Variants in RTN3 observed in about 807,000 individuals in gnomAD.
The protein encoded by RTN3 is reticulon-3.
A neutral mutation model predicts 77.8 loss-of-function variants in RTN3; 49 were observed. That is an observed-to-expected ratio of 0.63 (90% CI 0.50 to 0.80). The LOEUF (loss-of-function observed/expected upper bound fraction) is 0.80, where lower values mean the gene tolerates loss of function less well. Among genes scored for constraint, RTN3 ranks in the 30% least tolerant of loss-of-function variants. The pLI is 0.00. For missense variants in RTN3, 1,236 were observed against 1,211.9 expected, an observed-to-expected ratio of 1.02 and a Z score of -0.29; for synonymous variants, 464 against 446.9, an observed-to-expected ratio of 1.04 and a Z score of -0.48.
intron 2 of RTN3, among the ~76,000 whole-genome samples, chr11:63,711,595 G>A (rs559477584): frequency 1.9e-4 from 29 of 151,540 alleles, no homozygotes; most frequent in Non-Finnish European, 2.9e-4. Context: ...CGGAGTTTTC[G>A]TTCTTGTTGC....
Position 63,719,544 on chromosome 11 carries a change from G to A in RTN3, c.1042G>A (p.Val348Met), listed in dbSNP as rs2011605216. Residue 348 changes from valine to methionine, a missense_variant, in exon 3 of 9, where the codon GTG becomes ATG. This residue lies in a region of RTN3 where 1,056 missense variants were observed against 990.4 expected (regional missense o/e 1.07). Transcript: ENST00000377819. ...ACTGACTTGGGATCTGGTTCCCCAAGTGAAACAACAGACCGATAAATCTTC... is the reference window on the plus strand; with the variant it reads ...ACTGACTTGGGATCTGGTTCCCCAAATGAAACAACAGACCGATAAATCTTC... ...EILTWDLVPQ[V>M]KQQTDKSSDC... The A allele has an allele frequency of 4.3e-6, 7 of 1,614,172 alleles. No individual in the cohort carries two copies. Among genetic ancestry groups the A allele is most frequent in the Non-Finnish European group, 5.9e-6 (7 of 1,180,030 alleles).
chr11:63,734,044 C>G (rs534747912), intron 3 of RTN3, among the ~76,000 whole-genome samples: 5 of 152,190 alleles, frequency 3.3e-5, no homozygotes, highest in Admixed American at 3.3e-4. Context: ...GAATTTTCTA[C>G]AAACAAGGAA....
chr11:63,710,351 G>GA (rs1565313769), intron 2 of RTN3, among the ~76,000 whole-genome samples: 1 of 143,352 alleles, frequency 7.0e-6, no homozygotes, highest in Non-Finnish European at 1.5e-5. Context: ...TAGTTTTTTT[G>GA]TTTTTTTTTT....
At chr11:63,749,676 GAAC>G (rs1300468225) in intron 3 of RTN3, among the ~76,000 whole-genome samples, 3 of 152,134 alleles carry the variant, frequency 2.0e-5, no homozygotes, top group Non-Finnish European at 4.4e-5. Context: ...TGTAGCAGAA[GAAC>G]GTTTTGCCTC....
At chr11:63,745,853 C>T (rs1254157291) in intron 3 of RTN3, among the ~76,000 whole-genome samples, 1 of 152,238 alleles carries the variant, frequency 6.6e-6, no homozygotes, top group Non-Finnish European at 1.5e-5. Flanking sequence ...CTCTTTCACC[C>T]AGGCTGGAAT....
rs186304946 is a variant in RTN3 at position 63,692,961 on chromosome 11, G to A, written c.142+11183G>A. Among the ~76,000 whole-genome samples, 240 of 152,242 alleles carry A rather than the reference G, an allele frequency of 1.6e-3. 2 individuals are homozygous for A. The South Asian group carries it at 0.016, about 10-fold the overall frequency. Reference sequence around the variant, plus strand: ...AATGAGAAAGAAAAAAAGAGAGATGGGGTCTCACCATATTGCCCATGCTGG... The same window carrying A: ...AATGAGAAAGAAAAAAAGAGAGATGAGGTCTCACCATATTGCCCATGCTGG... On this transcript the variant is annotated intron_variant, in intron 1 of 8. Coordinates refer to ENST00000377819, the MANE Select transcript of RTN3 (RefSeq NM_001265589.2).
intron 1 of RTN3, among the ~76,000 whole-genome samples, chr11:63,696,402 G>GA (rs993316464): frequency 1.4e-4 from 21 of 145,970 alleles, no homozygotes; most frequent in South Asian, 4.4e-4. Flanking sequence ...GTCTCAAAAG[G>GA]AAAAAAAAAG....
intron 2 of RTN3, chr11:63,713,870 TA>T: frequency 5.9e-6 from 2 of 340,290 alleles, no homozygotes; most frequent in Non-Finnish European, 1.2e-5. Flanking sequence ...TTCTGAGACA[TA>T]AAATAATCCA....
chr11:63,755,956 CA>C (rs112296263), intron 7 of RTN3, among the ~76,000 whole-genome samples, 155 bp from the exon 8 acceptor site: 83 of 115,444 alleles, frequency 7.2e-4, no homozygotes, highest in Non-Finnish European at 7.1e-4. Context: ...GGCTCCGTCT[CA>C]AAAAAAAAAA....
At chr11:63,736,445 T>C (rs921552117) in intron 3 of RTN3, among the ~76,000 whole-genome samples, 1 of 152,146 alleles carries the variant, frequency 6.6e-6, no homozygotes, top group Non-Finnish European at 1.5e-5. Context: ...CCCAGCACTT[T>C]AGGAGGCTGA....
intron 8 of RTN3, among the ~76,000 whole-genome samples, chr11:63,757,474 C>T (rs962970621): frequency 3.6e-4 from 55 of 152,178 alleles, no homozygotes; most frequent in African/African-American, 1.3e-3. Flanking sequence ...GATCCTCCCA[C>T]CCCAGCCTCC....
chr11:63,754,885 G>A (rs537827202), intron 7 of RTN3, among the ~76,000 whole-genome samples: 53 of 128,268 alleles, frequency 4.1e-4, no homozygotes, highest in Non-Finnish European at 7.1e-4. Flanking sequence ...CCGAGATCGC[G>A]CCACTGCATT....
intron 3 of RTN3, among the ~76,000 whole-genome samples, chr11:63,742,800 T>C (rs2013564519): frequency 6.6e-6 from 1 of 152,214 alleles, no homozygotes; most frequent in Non-Finnish European, 1.5e-5. Flanking sequence ...CAGCAATGTT[T>C]TATAGATTTC....
chr11:63,689,574 T>C (rs977826526), intron 1 of RTN3, among the ~76,000 whole-genome samples: 18 of 152,116 alleles, frequency 1.2e-4, no homozygotes, highest in Admixed American at 4.6e-4. Context: ...GGGAGAAGAT[T>C]ATCAGCAAGT....
intron 3 of RTN3, among the ~76,000 whole-genome samples, chr11:63,726,861 G>A (rs492948): frequency 0.026 from 3,488 of 133,500 alleles, 87 homozygotes; most frequent in African/African-American, 0.037. Flanking sequence ...GACTCCGTCT[G>A]AAAAAAAAAA....
chr11:63,713,395 G>T (rs770033661), intron 2 of RTN3, among the ~76,000 whole-genome samples: 4 of 151,864 alleles, frequency 2.6e-5, no homozygotes, highest in Non-Finnish European at 5.9e-5. Flanking sequence ...CTGCAGCCTC[G>T]ACCTCCTGGG....
chr11:63,722,650 T>C (rs1467085424), intron 3 of RTN3, among the ~76,000 whole-genome samples: 1 of 152,224 alleles, frequency 6.6e-6, no homozygotes, highest in East Asian at 1.9e-4. Context: ...CAATTAAGGA[T>C]AGCTCTTATA....
intron 4 of RTN3, among the ~76,000 whole-genome samples, chr11:63,752,175 A>G (rs2014141017): frequency 6.6e-6 from 1 of 152,128 alleles, no homozygotes; most frequent in Non-Finnish European, 1.5e-5. Context: ...CTGCTAAAAA[A>G]AAAAAAAAAA....
intron 2 of RTN3, among the ~76,000 whole-genome samples, chr11:63,710,694 A>G (rs933366338): frequency 4.8e-4 from 73 of 151,580 alleles, no homozygotes; most frequent in African/African-American, 1.7e-3. Context: ...CTGCTCTCCA[A>G]CACATACCAA....
Sources: allele counts gnomAD v4.1 joint callset (sites outside exome capture counted in the v4.1 genomes callset), GRCh38; gene constraint gnomAD v4.1.1; regional missense constraint gnomAD v4.1.1; transcripts MANE v1.5; gene names NCBI Gene and HGNC (gene_info 2026-07-23, HGNC 2026-07-21).